Variants in FMN1 observed in about 807,000 individuals in gnomAD.
FMN1 encodes the protein formin 1, also known as formin-1.
FMN1 carries 110 observed loss-of-function variants against 132.4 expected under a neutral mutation model. The ratio of observed to expected loss-of-function variants is 0.83; its 90% CI spans 0.71 to 0.97. The LOEUF is 0.97. Ranked by LOEUF, FMN1 falls within the 50% of genes least tolerant of loss-of-function variation. The probability of loss-of-function intolerance (pLI) is 0.00; values close to 1 mark genes in which losing one functional copy is unlikely to be tolerated. For synonymous variants in FMN1, 722 were observed against 651.7 expected (o/e 1.11, Z -1.64); for missense variants, 1,792 against 1,705.3 (o/e 1.05, Z -0.90).
At chr15:33,169,389 A>G (rs531181089) in intron 3 of FMN1, among the ~76,000 whole-genome samples, 1 of 152,334 alleles carries the variant, frequency 6.6e-6, no homozygotes, top group Admixed American at 6.5e-5. Flanking sequence ...CAGTTTAATA[A>G]AAACAATTTC....
intron 19 of FMN1, among the ~76,000 whole-genome samples, chr15:32,786,269 G>A (rs866993248): frequency 5.3e-5 from 8 of 152,142 alleles, no homozygotes; most frequent in Admixed American, 1.3e-4. Flanking sequence ...TTTTACCACT[G>A]GCTCAGTCAA....
At chr15:32,779,844 T>C (rs1366585841) in intron 19 of FMN1, among the ~76,000 whole-genome samples, 1 of 152,194 alleles carries the variant, frequency 6.6e-6, no homozygotes, top group African/African-American at 2.4e-5. Flanking sequence ...CTGTATTCAT[T>C]CAACAGAATA....
chr15:33,101,414 T>C (rs1301474754), intron 4 of FMN1, among the ~76,000 whole-genome samples: 1 of 151,974 alleles, frequency 6.6e-6, no homozygotes, highest in East Asian at 1.9e-4. Context: ...AAATTGTCTT[T>C]AGCCACATGT....
intron 16 of FMN1, among the ~76,000 whole-genome samples, chr15:32,877,279 T>G (rs62001319): frequency 0.31 from 46,169 of 148,140 alleles, 7,750 homozygotes; most frequent in African/African-American, 0.43. Context: ...AGAACAATAT[T>G]CTGTCTCAGG....
At chr15:33,151,067 A>G in intron 4 of FMN1, 1 of 1,302,194 alleles carries the variant, frequency 7.7e-7, no homozygotes, top group Non-Finnish European at 9.8e-7. Context: ...CAGAATATAA[A>G]GAGGACTCAC....
At chr15:32,844,408 T>A (rs1381467606) in intron 17 of FMN1, among the ~76,000 whole-genome samples, 1 of 152,282 alleles carries the variant, frequency 6.6e-6, no homozygotes, top group African/African-American at 2.4e-5. Flanking sequence ...ATTATGTACA[T>A]CCCTTATATC....
chr15:33,194,384 G>C (rs1966197985), intron 1 of FMN1, among the ~76,000 whole-genome samples, 194 bp downstream of exon 1: 2 of 151,498 alleles, frequency 1.3e-5, no homozygotes, highest in Non-Finnish European at 2.9e-5. Context: ...GCCCACCAAC[G>C]TACTTGGGAG....
chr15:33,017,099 A>G (rs550277854), intron 6 of FMN1, among the ~76,000 whole-genome samples: 2 of 152,178 alleles, frequency 1.3e-5, no homozygotes, highest in South Asian at 4.2e-4. Flanking sequence ...TGCCTCTTCA[A>G]AAAGGATGAG....
At chr15:32,892,896 A>T (rs2060066043) in intron 15 of FMN1, among the ~76,000 whole-genome samples, 1 of 151,968 alleles carries the variant, frequency 6.6e-6, no homozygotes, top group Admixed American at 6.6e-5. Flanking sequence ...TCCCCACTAG[A>T]CTCTAAACAC....
chr15:32,999,595 C>T (rs1566808851), intron 7 of FMN1, among the ~76,000 whole-genome samples: 1 of 152,182 alleles, frequency 6.6e-6, no homozygotes, highest in Admixed American at 6.5e-5. Flanking sequence ...AGGGGGCCTG[C>T]CAGAGGCCAT....
At chr15:32,795,111 G>A (rs149638571) in intron 19 of FMN1, among the ~76,000 whole-genome samples, 6,331 of 152,276 alleles carry the variant, frequency 0.042, 158 homozygotes, top group Middle Eastern at 0.058. Flanking sequence ...AAGGCAGGAG[G>A]ATTGCTTGAG....
chr15:33,187,272 A>G (rs1965919590), intron 2 of FMN1, among the ~76,000 whole-genome samples: 1 of 152,256 alleles, frequency 6.6e-6, no homozygotes, highest in African/African-American at 2.4e-5. Context: ...AGAAAAAGAT[A>G]AATAGCCTGT....
intron 5 of FMN1, chr15:33,066,728 G>T (rs1271040178): frequency 1.2e-6 from 2 of 1,613,850 alleles, no homozygotes; most frequent in Non-Finnish European, 1.7e-6. Flanking sequence ...CTGGGTTTGT[G>T]GTACTCCAGG....
chr15:32,974,640 G>T (rs939849032), intron 7 of FMN1, among the ~76,000 whole-genome samples: 2 of 152,188 alleles, frequency 1.3e-5, no homozygotes, highest in Admixed American at 6.5e-5. Flanking sequence ...AATCTGAGAT[G>T]ATGCCTTTGC....
intron 8 of FMN1, among the ~76,000 whole-genome samples, chr15:32,965,322 C>T (rs2031098006): frequency 6.6e-6 from 1 of 152,054 alleles, no homozygotes; most frequent in East Asian, 1.9e-4. Context: ...ATTGCTTGAA[C>T]CCGGGAGGCA....
intron 20 of FMN1, among the ~76,000 whole-genome samples, chr15:32,774,741 T>C (rs1035005443): frequency 2.0e-5 from 3 of 151,596 alleles, no homozygotes; most frequent in Non-Finnish European, 4.4e-5. Flanking sequence ...CCCAAGAAGA[T>C]ATGAAAAAAA....
intron 9 of FMN1, among the ~76,000 whole-genome samples, chr15:32,951,935 G>A (rs1460639102): frequency 6.6e-6 from 1 of 152,200 alleles, no homozygotes; most frequent in Admixed American, 6.5e-5. Flanking sequence ...CAGCTGGTCA[G>A]AAACTGGAGC....
chr15:33,084,165 G>A (rs545928717), intron 5 of FMN1, among the ~76,000 whole-genome samples: 1 of 152,292 alleles, frequency 6.6e-6, no homozygotes, highest in East Asian at 1.9e-4. Flanking sequence ...CTATGGAGTA[G>A]CTATTCTTTT....
chr15:32,822,199 A>AT (rs766498758), intron 17 of FMN1, among the ~76,000 whole-genome samples: 78 of 152,264 alleles, frequency 5.1e-4, no homozygotes, highest in Non-Finnish European at 8.8e-4. Flanking sequence ...AAATACAAAA[A>AT]TTAGCCAGGT....
Sources: gnomAD v4.1 joint callset for allele counts (sites outside exome capture counted in the v4.1 genomes callset) on GRCh38, gnomAD v4.1.1 for gene constraint, MANE v1.5 for transcripts, NCBI Gene and HGNC (gene_info 2026-07-23, HGNC 2026-07-21) for gene names.